The following POU6F2 variants were observed in gnomAD, a reference collection of about 807,000 sequenced individuals.
The protein encoded by POU6F2 is POU class 6 homeobox 2.
In POU6F2, 31 loss-of-function variants were observed where a neutral mutation model predicts 71.3. The ratio of observed to expected loss-of-function variants is 0.43; its 90% CI spans 0.33 to 0.59. The LOEUF (loss-of-function observed/expected upper bound fraction) is 0.59, where lower values mean the gene tolerates loss of function less well. Among genes scored for constraint, POU6F2 ranks in the 20% least tolerant of loss-of-function variants. The probability of loss-of-function intolerance (pLI) is 0.04; values close to 1 mark genes in which losing one functional copy is unlikely to be tolerated. For synonymous variants in POU6F2, 347 were observed against 355.7 expected, an observed-to-expected ratio of 0.98 and a Z score of 0.27; for missense variants, 783 against 856.8, an observed-to-expected ratio of 0.91 and a Z score of 1.07.
chr7:39,030,146 G>C (rs540152385), intron 1 of POU6F2, among the ~76,000 whole-genome samples: 1 of 151,950 alleles, frequency 6.6e-6, no homozygotes, highest in East Asian at 1.9e-4. Flanking sequence ...TCAATGTGTG[G>C]TGTGTGTGTT....
chr7:39,244,446 T>C (rs1438360109), intron 4 of POU6F2, among the ~76,000 whole-genome samples: 1 of 152,184 alleles, frequency 6.6e-6, no homozygotes, highest in African/African-American at 2.4e-5. Flanking sequence ...TCCTCTTCTA[T>C]AAAGCAGGAA....
At chr7:39,436,343 C>G (rs1788241932) in intron 7 of POU6F2, among the ~76,000 whole-genome samples, 1 of 151,942 alleles carries the variant, frequency 6.6e-6, no homozygotes, top group Non-Finnish European at 1.5e-5. Context: ...CTTCATATCC[C>G]CTGTTAGCTG....
chr7:39,152,457 C>T (rs1792781092), intron 2 of POU6F2, among the ~76,000 whole-genome samples: 1 of 152,186 alleles, frequency 6.6e-6, no homozygotes, highest in Non-Finnish European at 1.5e-5. Context: ...CCTCTCCTCC[C>T]TCGTCCCTGT....
At chr7:39,154,685 T>C (rs1390510725) in intron 2 of POU6F2, among the ~76,000 whole-genome samples, 1 of 152,136 alleles carries the variant, frequency 6.6e-6, no homozygotes, top group East Asian at 1.9e-4. Flanking sequence ...CTTTTGTATA[T>C]AGGCTCTGTG....
chr7:39,420,184 G>A (rs1394163654), intron 6 of POU6F2, among the ~76,000 whole-genome samples: 2 of 152,176 alleles, frequency 1.3e-5, no homozygotes, highest in African/African-American at 2.4e-5. Context: ...AGATTTTCTT[G>A]CAAGTTTAGA....
At chr7:38,988,203 A>G (rs1420386840) in intron 1 of POU6F2, among the ~76,000 whole-genome samples, 2 of 152,052 alleles carry the variant, frequency 1.3e-5, no homozygotes, top group African/African-American at 2.4e-5. Context: ...AACTCATGTC[A>G]TTTTCTAAAG....
intron 1 of POU6F2, among the ~76,000 whole-genome samples, chr7:39,079,272 T>C (rs1791066543): frequency 7.7e-6 from 1 of 129,114 alleles, no homozygotes; most frequent in South Asian, 2.8e-4. Flanking sequence ...CACTGCAACC[T>C]CCGCCTCCCA....
At chr7:39,245,398 C>T (rs766002633) in intron 4 of POU6F2, among the ~76,000 whole-genome samples, 1 of 152,186 alleles carries the variant, frequency 6.6e-6, no homozygotes, top group African/African-American at 2.4e-5. Flanking sequence ...ATTGGGGTCT[C>T]TTCATTCTGT....
In POU6F2 at chr7:39,152,663, A is replaced by G. The variant is rs181432770; in HGVS notation, c.278-51572A>G. Reference sequence around the variant, plus strand: ...CCCCTGACTCGGCATCCAGCTCTCCATCCATTAGATCGTGAAGCCTCTCAC... The same window carrying G: ...CCCCTGACTCGGCATCCAGCTCTCCGTCCATTAGATCGTGAAGCCTCTCAC... On this transcript the variant is annotated intron_variant, in intron 2 of 9. Transcript: ENST00000518318. 1.1e-3 allele frequency among the ~76,000 whole-genome samples: 174 copies of G among 152,212 alleles called. 1 individual carries two copies. Among genetic ancestry groups the G allele is most frequent in the Admixed American group, 9.9e-3 (152 of 15,300 alleles).
chr7:39,409,894 C>CT (rs1298282907), intron 6 of POU6F2, among the ~76,000 whole-genome samples: 1 of 152,162 alleles, frequency 6.6e-6, no homozygotes, highest in African/African-American at 2.4e-5. Context: ...ATTACTGCTC[C>CT]TTTTTTTCCC....
intron 4 of POU6F2, among the ~76,000 whole-genome samples, chr7:39,250,754 T>G (rs974165365): frequency 3.9e-5 from 6 of 152,202 alleles, no homozygotes; most frequent in Non-Finnish European, 1.5e-5. Flanking sequence ...TAATTCATAT[T>G]ATGATATGAA....
At chr7:39,308,299 G>A (rs570991279) in intron 4 of POU6F2, among the ~76,000 whole-genome samples, 4 of 152,294 alleles carry the variant, frequency 2.6e-5, no homozygotes, top group South Asian at 2.1e-4. Flanking sequence ...GTGGGGGCAC[G>A]GATGGGGATC....
intron 2 of POU6F2, among the ~76,000 whole-genome samples, chr7:39,123,888 C>G (rs1792093636): frequency 6.6e-6 from 1 of 151,876 alleles, no homozygotes; most frequent in Non-Finnish European, 1.5e-5. Context: ...TCTGTAAATT[C>G]ATGATAACAA....
chr7:38,993,646 A>ACACACACACACACG (rs1379408807), intron 1 of POU6F2, among the ~76,000 whole-genome samples: 10 of 150,496 alleles, frequency 6.6e-5, no homozygotes, highest in African/African-American at 2.5e-4. Flanking sequence ...ACACACACAC[A>ACACACACACACACG]CATCAGTGGT....
chr7:39,434,152 GGT>G (rs1788176143), intron 7 of POU6F2, among the ~76,000 whole-genome samples: 1 of 152,020 alleles, frequency 6.6e-6, no homozygotes. Context: ...CGGACAGCTG[GGT>G]ATGAGTTAAC....
At chr7:39,450,660 C>G (rs890421401) in intron 7 of POU6F2, among the ~76,000 whole-genome samples, 6 of 152,170 alleles carry the variant, frequency 3.9e-5, no homozygotes, top group African/African-American at 1.4e-4. Context: ...AACACACACA[C>G]AATTTTTAAA....
chr7:39,081,317 A>T (rs1490945720), intron 1 of POU6F2, among the ~76,000 whole-genome samples: 1 of 152,230 alleles, frequency 6.6e-6, no homozygotes, highest in Admixed American at 6.5e-5. Context: ...GATCTATTAG[A>T]TAATATAAGA....
At chr7:39,247,570 A>G (rs1197022822) in intron 4 of POU6F2, among the ~76,000 whole-genome samples, 1 of 152,218 alleles carries the variant, frequency 6.6e-6, no homozygotes, top group African/African-American at 2.4e-5. Context: ...TATGGCTAAT[A>G]AATGACAGAG....
intron 4 of POU6F2, among the ~76,000 whole-genome samples, chr7:39,242,250 T>C (rs765577669): frequency 2.0e-5 from 3 of 152,120 alleles, no homozygotes; most frequent in Admixed American, 6.6e-5. Flanking sequence ...CTGGGTTATA[T>C]GGTAAGTGTG....
Sources: gnomAD v4.1 joint callset for allele counts (sites outside exome capture counted in the v4.1 genomes callset) on GRCh38, gnomAD v4.1.1 for gene constraint, MANE v1.5 for transcripts, NCBI Gene and HGNC (gene_info 2026-07-23, HGNC 2026-07-21) for gene names.